The following NDEL1 variants were observed in gnomAD, a reference collection of about 807,000 sequenced individuals.
NDEL1 encodes nudE neurodevelopment protein 1 like 1.
In NDEL1, 9 loss-of-function variants were observed where a neutral mutation model predicts 45.7. That is an observed-to-expected ratio of 0.20 (90% CI 0.12 to 0.34). NDEL1 has a LOEUF of 0.34. Among genes scored for constraint, NDEL1 ranks in the 10% least tolerant of loss-of-function variants. The probability of loss-of-function intolerance (pLI) is 1.00; values close to 1 mark genes in which losing one functional copy is unlikely to be tolerated. For synonymous variants in NDEL1, 133 were observed against 158.6 expected, an observed-to-expected ratio of 0.84 and a Z score of 1.21; for missense variants, 306 against 406.2, an observed-to-expected ratio of 0.75 and a Z score of 2.12.
In NDEL1 at chr17:8,438,527, T is replaced by A. The variant is rs975438377; in HGVS notation, c.-13+2482T>A. Among the ~76,000 whole-genome samples, 61 of 152,078 alleles carry A rather than the reference T, an allele frequency of 4.0e-4. 1 individual carries two copies. The highest frequency in any genetic ancestry group is 1.4e-3 in the African/African-American group (59 of 41,366). Reference sequence around the variant, plus strand: ...TAAATAATCTGATTTTTATTTTTATTTTTTTGGAGGCAGGGTCTCATTTTG... The same window carrying A: ...TAAATAATCTGATTTTTATTTTTATATTTTTGGAGGCAGGGTCTCATTTTG... On this transcript the variant is annotated intron_variant, in intron 1 of 8. Coordinates refer to ENST00000334527, the MANE Select transcript of NDEL1 (RefSeq NM_030808.5).
At position 8,445,732 on chromosome 17, in the gene NDEL1, G is replaced by A. The variant is rs1461884025; in HGVS notation, c.108G>A (p.Glu36=). Residue 36 remains glutamate, a synonymous_variant, in exon 3 of 9, where the codon GAG becomes GAA. Transcript: ENST00000334527. ...TTAGCTTCCAGGAAGCTCGGGATGA[G>A]CTAGTTGAATTCCAGGAAGGAAGCA... The part of the protein sequence containing the change: ...YKQSFQEARD[E]LVEFQEGSRE... The A allele has an allele frequency of 6.3e-7, 1 of 1,596,246 alleles. No homozygotes were observed. The highest frequency in any genetic ancestry group is 8.5e-7 in the Non-Finnish European group (1 of 1,173,636).
At chr17:8,420,221 A>G (rs755606070) in intron 1 of NDEL1, among the ~76,000 whole-genome samples, 1 of 152,186 alleles carries the variant, frequency 6.6e-6, no homozygotes, top group Non-Finnish European at 1.5e-5. Context: ...TAAAGTGGGA[A>G]CATGAATAGC....
chr17:8,462,625 G>C (rs183712483), intron 8 of NDEL1, among the ~76,000 whole-genome samples: 1 of 152,290 alleles, frequency 6.6e-6, no homozygotes, highest in East Asian at 1.9e-4. Flanking sequence ...TAGAAGTGGA[G>C]AAGTATGGCT....
At chr17:8,464,900 C>G (rs903534421) in intron 8 of NDEL1, 4 of 152,282 alleles carry the variant, frequency 2.6e-5, no homozygotes, top group African/African-American at 9.6e-5. Context: ...TTACGGTGCA[C>G]TTGAAAATGC....
At chr17:8,424,994 A>G (rs1414984551) in intron 1 of NDEL1, among the ~76,000 whole-genome samples, 1 of 152,142 alleles carries the variant, frequency 6.6e-6, no homozygotes, top group Non-Finnish European at 1.5e-5. Flanking sequence ...AGTGTTTGAT[A>G]CAGGCTGCTA....
At chr17:8,420,731 T>TA (rs1908688557) in intron 1 of NDEL1, among the ~76,000 whole-genome samples, 1 of 152,218 alleles carries the variant, frequency 6.6e-6, no homozygotes, top group South Asian at 2.1e-4. Flanking sequence ...TTTTCAAATA[T>TA]AAAATACCTA....
chr17:8,438,625 C>T (rs1228850614), intron 1 of NDEL1, among the ~76,000 whole-genome samples: 1 of 151,878 alleles, frequency 6.6e-6, no homozygotes, highest in Non-Finnish European at 1.5e-5. Flanking sequence ...AAGCGATCCT[C>T]CCACCACAGT....
At chr17:8,456,321 T>A (rs1910839624) in intron 7 of NDEL1, among the ~76,000 whole-genome samples, 1 of 152,178 alleles carries the variant, frequency 6.6e-6, no homozygotes, top group Non-Finnish European at 1.5e-5. Flanking sequence ...CATTTTAAAA[T>A]CCTCTATGTT....
At chr17:8,429,525 G>C (rs1908949910) in intron 1 of NDEL1, among the ~76,000 whole-genome samples, 1 of 152,170 alleles carries the variant, frequency 6.6e-6, no homozygotes, top group African/African-American at 2.4e-5. Flanking sequence ...GCTAGCATAT[G>C]AGTGAGACTT....
chr17:8,468,234 C>A (rs796642999), downstream of NDEL1: 2 of 152,250 alleles, frequency 1.3e-5, no homozygotes, highest in Non-Finnish European at 2.9e-5. Context: ...CAGGTTCCAA[C>A]GTCACTGCTG....
upstream of NDEL1, chr17:8,432,107 C>T (rs1273236248): frequency 6.6e-6 from 1 of 151,190 alleles, no homozygotes; most frequent in African/African-American, 2.4e-5. Flanking sequence ...AGTGATCTAC[C>T]CGCCCCAGGT....
At chr17:8,433,986 G>T (rs1567722850), upstream of NDEL1, among the ~76,000 whole-genome samples, 1 of 152,012 alleles carries the variant, frequency 6.6e-6, no homozygotes, top group Non-Finnish European at 1.5e-5. Flanking sequence ...ATCTTGCATT[G>T]TTCCTGTTTA....
intron 8 of NDEL1, among the ~76,000 whole-genome samples, chr17:8,460,468 G>T (rs1911128670): frequency 6.6e-6 from 1 of 152,108 alleles, no homozygotes; most frequent in African/African-American, 2.4e-5. Flanking sequence ...TTACAGGCTG[G>T]CAGACTTGGA....
chr17:8,429,431 T>G (rs1908948071), intron 1 of NDEL1, among the ~76,000 whole-genome samples: 1 of 152,224 alleles, frequency 6.6e-6, no homozygotes, highest in Non-Finnish European at 1.5e-5. Context: ...AAGTCTCTTG[T>G]GAACTGTGTA....
At chr17:8,449,353 C>G (rs945620616) in intron 5 of NDEL1, among the ~76,000 whole-genome samples, 1 of 152,082 alleles carries the variant, frequency 6.6e-6, no homozygotes, top group African/African-American at 2.4e-5. Flanking sequence ...GGTTTTGAAC[C>G]CTTGGCCTTA....
upstream of NDEL1, among the ~76,000 whole-genome samples, chr17:8,430,955 C>T (rs2151699508): frequency 6.6e-6 from 1 of 152,320 alleles, no homozygotes; most frequent in African/African-American, 2.4e-5. Context: ...TCAGTTTGGG[C>T]CCTTCGGCAC....
At position 8,428,358 on chromosome 17, in the gene NDEL1, G is replaced by T. The variant is rs1030270530; in HGVS notation, c.-13+15089G>T. Among the ~76,000 whole-genome samples the T allele has an allele frequency of 1.4e-4, 7 of 48,326 alleles. 1 individual carries two copies. Among genetic ancestry groups the T allele is most frequent in the South Asian group, 1.4e-3 (2 of 1,444 alleles). 31.7% of individuals were successfully genotyped at this position (48,326 alleles called of 152,430 possible). A position where few individuals can be genotyped will look rare whatever the true frequency, so the allele number is the denominator to read the frequency against. On this transcript the variant is annotated intron_variant, in intron 1 of 4. Transcript: ENST00000582812. ...TGTGTGTGTGTGTGTGTGTGTGTGT[G>T]TGTATTTTTTTTTTTTTTTTTTCCG...
At chr17:8,434,299 C>T (rs1382670492), upstream of NDEL1, among the ~76,000 whole-genome samples, 1 of 152,170 alleles carries the variant, frequency 6.6e-6, no homozygotes, top group Non-Finnish European at 1.5e-5. Context: ...TCACTGCAAC[C>T]TCCGCCTCCC....
upstream of NDEL1, chr17:8,435,830 G>T: frequency 2.3e-6 from 1 of 443,914 alleles, no homozygotes; most frequent in Non-Finnish European, 4.5e-6. Context: ...GCGCTGCCGC[G>T]CATGCTCCGA....
Sources: allele counts gnomAD v4.1 joint callset (sites outside exome capture counted in the v4.1 genomes callset), GRCh38; gene constraint gnomAD v4.1.1; transcripts MANE v1.5; gene names NCBI Gene and HGNC (gene_info 2026-07-23, HGNC 2026-07-21).